The following KMT2C variants were observed in gnomAD, a reference collection of about 807,000 sequenced individuals.
KMT2C encodes lysine methyltransferase 2C, also known as histone-lysine N-methyltransferase 2C.
Under a neutral mutation model 507.9 loss-of-function variants are expected in KMT2C, and 88 were observed. That is an observed-to-expected ratio of 0.17 (90% CI 0.15 to 0.21). KMT2C has a LOEUF of 0.21. Among genes scored for constraint, KMT2C ranks in the 10% least tolerant of loss-of-function variants. KMT2C has a pLI of 1.00. For synonymous variants in KMT2C, 2,049 were observed against 2,080.8 expected (o/e 0.98, Z 0.42); for missense variants, 4,954 against 5,957.8 (o/e 0.83, Z 5.55).
Position 152,182,314 on chromosome 7 carries a change from T to C in KMT2C, c.5546A>G (p.Lys1849Arg), listed in dbSNP as rs756381321. The C allele has an allele frequency of 6.2e-7, 1 of 1,614,082 alleles. No individual in the cohort carries two copies. Among genetic ancestry groups the C allele is most frequent in the Non-Finnish European group, 8.5e-7 (1 of 1,179,994 alleles). ...TGGAGGAGGAGGTGGAGCTTGTGGC[T>C]TTACAAACACATCATCTGAAGATGT... ...TSTSSDDVFV[K>R]PQAPPPPPAP... The change falls in exon 36 of 59, where the codon AAG becomes AGG. Residue 1849 changes from lysine (K) to arginine (R), a missense_variant. Coordinates refer to ENST00000262189, the MANE Select transcript of KMT2C (RefSeq NM_170606.3).
chr7:152,316,439 GACA>G (rs201407187), intron 3 of KMT2C, among the ~76,000 whole-genome samples: 13 of 151,814 alleles, frequency 8.6e-5, no homozygotes, highest in African/African-American at 2.9e-4. Context: ...AAAATTAAGA[GACA>G]ACAATCAATA....
At chr7:152,389,938 A>C (rs2097476791) in intron 1 of KMT2C, among the ~76,000 whole-genome samples, 2 of 151,962 alleles carry the variant, frequency 1.3e-5, no homozygotes, top group African/African-American at 2.4e-5. Context: ...TTCATCCTCT[A>C]TCCTAAAAGA....
chr7:152,332,753 CAGG>C (rs1029022812), intron 2 of KMT2C, among the ~76,000 whole-genome samples: 1 of 151,864 alleles, frequency 6.6e-6, no homozygotes, highest in African/African-American at 2.4e-5. Context: ...GAGGCTGAGG[CAGG>C]AGAATTGCTT....
At position 152,215,688 on chromosome 7, in the gene KMT2C, T is replaced by TATATATATACAC. The variant is rs766518165; in HGVS notation, c.3712+4834_3712+4835insGTGTATATATAT. 8.2e-5 allele frequency among the ~76,000 whole-genome samples: 11 copies of TATATATATACAC among 134,496 alleles called. 1 individual carries two copies. The highest frequency in any genetic ancestry group is 3.7e-4 in the African/African-American group (11 of 29,668). The allele number at this position is 134,496 out of a possible 152,430, so 88.2% of individuals were successfully genotyped here. ...ACAAAAGGAACAAAATATATATATA[T>TATATATATACAC]ACACACACACATACACACACAAAAT... On this transcript the variant is annotated intron_variant, in intron 23 of 58. Transcript: ENST00000262189.
chr7:152,382,988 T>C, intron 1 of KMT2C, among the ~76,000 whole-genome samples: 1 of 152,310 alleles, frequency 6.6e-6, no homozygotes, highest in Non-Finnish European at 1.5e-5. Context: ...TAAAATCCTA[T>C]AGTATCATGG....
chr7:152,203,776 G>A (rs1209727015), intron 25 of KMT2C, among the ~76,000 whole-genome samples: 3 of 152,084 alleles, frequency 2.0e-5, no homozygotes, highest in East Asian at 1.9e-4. Context: ...CTACGTAAGT[G>A]AATTGACTCT....
At chr7:152,333,563 C>T (rs2096904162) in intron 2 of KMT2C, among the ~76,000 whole-genome samples, 1 of 152,192 alleles carries the variant, frequency 6.6e-6, no homozygotes, top group Admixed American at 6.5e-5. Flanking sequence ...ACTAGACATA[C>T]TTAGCAGCTT....
chr7:152,327,269 T>C (rs1285800714), intron 3 of KMT2C, among the ~76,000 whole-genome samples: 1 of 152,238 alleles, frequency 6.6e-6, no homozygotes, highest in African/African-American at 2.4e-5. Context: ...CATATATTCA[T>C]GAGTAGCTTT....
intron 6 of KMT2C, 48 bp downstream of exon 6, chr7:152,309,918 A>C (rs1265607887): frequency 8.6e-7 from 1 of 1,157,690 alleles, no homozygotes; most frequent in Non-Finnish European, 1.3e-6. Context: ...TTCTGATTAA[A>C]GTGAATGTTA....
intron 2 of KMT2C, among the ~76,000 whole-genome samples, chr7:152,340,863 A>C (rs1357248568): frequency 6.6e-6 from 1 of 152,226 alleles, no homozygotes; most frequent in Non-Finnish European, 1.5e-5. Flanking sequence ...CATTAATTTA[A>C]ATAGTAATTG....
At chr7:152,213,750 T>TAA (rs922863914) in intron 23 of KMT2C, among the ~76,000 whole-genome samples, 50 of 76,320 alleles carry the variant, frequency 6.6e-4, no homozygotes, top group South Asian at 4.3e-3. Flanking sequence ...TGCATAGCAA[T>TAA]AAAAAAAAAA....
At chr7:152,412,632 AC>A (rs1461350838) in intron 1 of KMT2C, among the ~76,000 whole-genome samples, 1 of 152,140 alleles carries the variant, frequency 6.6e-6, no homozygotes, top group Non-Finnish European at 1.5e-5. Flanking sequence ...ACACCAAACA[AC>A]AGAAAAAGAA....
In KMT2C at chr7:152,162,888, T is replaced by C. The variant is rs2092531887; in HGVS notation, c.10689A>G (p.Val3563=). 2.2e-5 allele frequency: 35 copies of C among 1,614,074 alleles called. No individual in the cohort carries two copies. The highest frequency in any genetic ancestry group is 2.6e-5 in the Non-Finnish European group (31 of 1,180,026). Residue 3563 remains valine (V), a synonymous_variant, in exon 43 of 59, where the codon GTA becomes GTG. Coordinates refer to ENST00000262189, the MANE Select transcript of KMT2C (RefSeq NM_170606.3). ...GGCCACATGGGAGACTGCTATTAGC[T>C]ACTGGAGGTGCTGCTGGTAAAGCAG... ...FTPALPAAPP[V]ANSSLPCGQD...
chr7:152,144,586 G>T lies in KMT2C; in HGVS notation c.14343+127C>A. 2 of 928,822 alleles carry T rather than the reference G, an allele frequency of 2.2e-6. No individual in the cohort carries two copies. Among genetic ancestry groups the T allele is most frequent in the South Asian group, 1.6e-5 (1 of 60,884 alleles). The allele number at this position is 928,822 out of a possible 1,614,324, so 57.5% of individuals were successfully genotyped here. A position where few individuals can be genotyped will look rare whatever the true frequency, so the allele number is the denominator to read the frequency against. ...GTTACCAAGGGACAGGATTTGATAC[G>T]ATTTTGAAAACACGTTTCTGTCCCT... On this transcript the variant is annotated intron_variant, in intron 55 of 58. Coordinates refer to ENST00000262189, the MANE Select transcript of KMT2C (RefSeq NM_170606.3). The surrounding 1 kb of genome is among the most constrained non-coding windows in gnomAD (Gnocchi z 4.4).
chr7:152,194,683 A>T (rs2093910695), intron 28 of KMT2C, 115 bp from the exon 29 acceptor site: 1 of 696,720 alleles, frequency 1.4e-6, no homozygotes, highest in Non-Finnish European at 2.2e-6. Context: ...AGAGAAATAA[A>T]GTCTGTAATT....
intron 3 of KMT2C, among the ~76,000 whole-genome samples, chr7:152,325,847 A>T (rs958686845): frequency 2.0e-5 from 3 of 152,024 alleles, no homozygotes; most frequent in Non-Finnish European, 4.4e-5. Flanking sequence ...TTCTTTTATT[A>T]ATTTGCTTCT....
intron 23 of KMT2C, among the ~76,000 whole-genome samples, chr7:152,218,317 C>G (rs1233709076): frequency 6.6e-6 from 1 of 152,072 alleles, no homozygotes; most frequent in East Asian, 1.9e-4. Flanking sequence ...GTGCCTGCCA[C>G]CACACCCAGC....
chr7:152,371,951 C>T (rs1465113288), intron 1 of KMT2C, among the ~76,000 whole-genome samples: 1 of 151,804 alleles, frequency 6.6e-6, no homozygotes, highest in African/African-American at 2.4e-5. Context: ...TGATATGCTG[C>T]CTACAAGATA....
At position 152,139,276 on chromosome 7, in the gene KMT2C, T is replaced by TCA. The variant is rs2090240763; in HGVS notation, c.14461-19_14461-18dup. On this transcript the variant is annotated splice_polypyrimidine_tract_variant and intron_variant, in intron 56 of 58. Transcript: ENST00000262189. ...ACCACGGTTCTGAGGGAAAAGTCAG[T>TCA]CAGTAAGTCATCAATGTCGACCTGA... 3.7e-6 allele frequency: 6 copies of TCA among 1,611,122 alleles called. No homozygotes were observed. Among genetic ancestry groups the TCA allele is most frequent in the Non-Finnish European group, 5.1e-6 (6 of 1,179,036 alleles).
Sources: allele counts gnomAD v4.1 joint callset (sites outside exome capture counted in the v4.1 genomes callset), GRCh38; gene constraint gnomAD v4.1.1; non-coding constraint Gnocchi (gnomAD v3.1); transcripts MANE v1.5; gene names NCBI Gene and HGNC (gene_info 2026-07-23, HGNC 2026-07-21).